ATXN7L1: variants seen among roughly 807,000 people sequenced by gnomAD.
ATXN7L1 encodes the protein ataxin-7-like protein 1.
In ATXN7L1, 15 loss-of-function variants were observed where a neutral mutation model predicts 70.8. The ratio of observed to expected loss-of-function variants is 0.21; its 90% confidence interval spans 0.14 to 0.33. The LOEUF (loss-of-function observed/expected upper bound fraction) is 0.33, where lower values mean the gene tolerates loss of function less well. Among genes scored for constraint, ATXN7L1 ranks in the 10% least tolerant of loss-of-function variants. The pLI is 1.00. For missense variants in ATXN7L1, 975 were observed against 1,097.1 expected, an observed-to-expected ratio of 0.89 and a Z score of 1.57; for synonymous variants, 440 against 445.1, an observed-to-expected ratio of 0.99 and a Z score of 0.14.
At chr7:105,664,561 T>TTGTGTGTGTGTG (rs1802260980) in intron 4 of ATXN7L1, among the ~76,000 whole-genome samples, 35 of 119,452 alleles carry the variant, frequency 2.9e-4, no homozygotes, top group African/African-American at 1.0e-3. Context: ...CATATATATA[T>TTGTGTGTGTGTG]TATGTATGTG....
In ATXN7L1 at chr7:105,834,331, C is replaced by G. The variant is rs147644112; in HGVS notation, c.250+41481G>C. On this transcript the variant is annotated intron_variant, in intron 2 of 11. Transcript: ENST00000419735. ...TGCTGGGATTACATACGTGAGCCAC[C>G]ACGCCTGGCCTCATCATTGACTTTG... Among the ~76,000 whole-genome samples the G allele has an allele frequency of 5.0e-3, 758 of 152,322 alleles. 4 individuals are homozygous for G. Among genetic ancestry groups the G allele is most frequent in the Middle Eastern group, 0.024 (7 of 294 alleles).
At chr7:105,788,969 G>C (rs772637556) in intron 2 of ATXN7L1, among the ~76,000 whole-genome samples, 1 of 152,196 alleles carries the variant, frequency 6.6e-6, no homozygotes, top group Non-Finnish European at 1.5e-5. Context: ...GTGTCGAGGG[G>C]CTGCTCTGAG....
chr7:105,807,208 A>T (rs1043124210), intron 2 of ATXN7L1, among the ~76,000 whole-genome samples: 1 of 152,182 alleles, frequency 6.6e-6, no homozygotes, highest in Non-Finnish European at 1.5e-5. Context: ...CTCCACAAAC[A>T]TCAGTTAGTG....
chr7:105,733,506 C>CCATCCATCCATCCATCCATT (rs1563048370), intron 3 of ATXN7L1, among the ~76,000 whole-genome samples: 4 of 103,356 alleles, frequency 3.9e-5, no homozygotes, highest in South Asian at 3.2e-4. Flanking sequence ...ATCCATCCTT[C>CCATCCATCCATCCATCCATT]CATCCATCCA....
chr7:105,664,575 G>GTGTGTATATATATATA lies in ATXN7L1; in HGVS notation c.578+490_578+491insTATATATATATACACA. Among the ~76,000 whole-genome samples, 3 of 131,988 alleles carry GTGTGTATATATATATA rather than the reference G, an allele frequency of 2.3e-5. 1 individual carries two copies. The highest frequency in any genetic ancestry group is 8.5e-5 in the African/African-American group (3 of 35,414). 86.6% of individuals were successfully genotyped at this position (131,988 alleles called of 152,430 possible). A position where few individuals can be genotyped will look rare whatever the true frequency, so the allele number is the denominator to read the frequency against. ...ACATATATATATTATGTATGTGTGT[G>GTGTGTATATATATATA]TATATATATATATTTGAGACAGAGT... On this transcript the variant is annotated intron_variant, in intron 4 of 11. Coordinates refer to ENST00000419735, the MANE Select transcript of ATXN7L1 (RefSeq NM_020725.2).
At chr7:105,730,508 G>T (rs1796409858) in intron 3 of ATXN7L1, among the ~76,000 whole-genome samples, 1 of 152,148 alleles carries the variant, frequency 6.6e-6, no homozygotes. Context: ...CGAGGCAAGT[G>T]GATCACATGG....
intron 3 of ATXN7L1, among the ~76,000 whole-genome samples, chr7:105,704,391 T>C (rs2116246407): frequency 6.6e-6 from 1 of 152,304 alleles, no homozygotes; most frequent in East Asian, 1.9e-4. Context: ...ATTCTGCTAA[T>C]GAGAACTGAT....
At chr7:105,684,573 C>T (rs2116170366) in intron 3 of ATXN7L1, among the ~76,000 whole-genome samples, 1 of 152,346 alleles carries the variant, frequency 6.6e-6, no homozygotes, top group African/African-American at 2.4e-5. Flanking sequence ...AGCTGCAAAT[C>T]CACAGGTATC....
At chr7:105,854,703 A>C (rs988177944) in intron 2 of ATXN7L1, among the ~76,000 whole-genome samples, 2 of 152,172 alleles carry the variant, frequency 1.3e-5, no homozygotes, top group Non-Finnish European at 2.9e-5. Context: ...TAATAGTGAC[A>C]GCTTCATTTT....
intron 3 of ATXN7L1, among the ~76,000 whole-genome samples, chr7:105,687,422 GC>G (rs1261323658): frequency 6.6e-6 from 1 of 152,190 alleles, no homozygotes; most frequent in Non-Finnish European, 1.5e-5. Context: ...TTAGGATGGG[GC>G]CCTAATCCAA....
At chr7:105,766,301 C>T (rs1184661604) in intron 3 of ATXN7L1, among the ~76,000 whole-genome samples, 3 of 152,030 alleles carry the variant, frequency 2.0e-5, no homozygotes, top group Non-Finnish European at 2.9e-5. Flanking sequence ...ACTTACAGTG[C>T]GTGCAACGTG....
rs573467498 is a variant in ATXN7L1, at chr7:105,645,565, G to C, written c.579-2444C>G. ...TAATCCCAGCACTTTGGGAGGCCGA[G>C]GCAGGTGGATCACCAGGTCAGGAGA... On this transcript the variant is annotated intron_variant, in intron 4 of 11. Coordinates refer to ENST00000419735, the MANE Select transcript of ATXN7L1 (RefSeq NM_020725.2). Among the ~76,000 whole-genome samples, 3 of 151,714 alleles carry C rather than the reference G, an allele frequency of 2.0e-5. No homozygotes were observed. In the East Asian group the frequency reaches 5.8e-4, roughly 29 times the overall value.
intron 9 of ATXN7L1, chr7:105,617,850 A>G (rs1225710769): frequency 1.4e-5 from 6 of 440,042 alleles, no homozygotes; most frequent in Non-Finnish European, 2.8e-5. Flanking sequence ...TGCTTGTTAA[A>G]GAAAAAAGAG....
chr7:105,807,663 T>C (rs1807815945), intron 2 of ATXN7L1, among the ~76,000 whole-genome samples: 1 of 152,216 alleles, frequency 6.6e-6, no homozygotes, highest in Non-Finnish European at 1.5e-5. Context: ...TCTCTTGTTC[T>C]CCTTGGAACC....
chr7:105,630,743 TAA>T (rs1584403720), intron 7 of ATXN7L1, among the ~76,000 whole-genome samples: 1 of 151,282 alleles, frequency 6.6e-6, no homozygotes, highest in Non-Finnish European at 1.5e-5. Flanking sequence ...AATAAATAAA[TAA>T]ATAAAAGAGA....
intron 9 of ATXN7L1, among the ~76,000 whole-genome samples, chr7:105,619,495 CATATATATATATATAT>C (rs1176697618): frequency 9.8e-4 from 27 of 27,646 alleles, no homozygotes; most frequent in South Asian, 7.2e-3. Flanking sequence ...CAAACAGAAG[CATATATATATATATAT>C]ATATATATAT....
At chr7:105,686,836 T>C (rs1380070317) in intron 3 of ATXN7L1, among the ~76,000 whole-genome samples, 1 of 152,186 alleles carries the variant, frequency 6.6e-6, no homozygotes, top group Non-Finnish European at 1.5e-5. Context: ...TCTGTATCTA[T>C]ATGTAATTGT....
At chr7:105,804,978 T>C (rs1807344915) in intron 2 of ATXN7L1, among the ~76,000 whole-genome samples, 1 of 152,168 alleles carries the variant, frequency 6.6e-6, no homozygotes, top group Non-Finnish European at 1.5e-5. Flanking sequence ...AGGTCAGTTA[T>C]GAATAAACAC....
chr7:105,851,067 AATGAT>A (rs997454658), intron 2 of ATXN7L1, among the ~76,000 whole-genome samples: 2 of 152,122 alleles, frequency 1.3e-5, no homozygotes, highest in Non-Finnish European at 2.9e-5. Flanking sequence ...TGTATCCCAC[AATGAT>A]TTACAACCCT....
Sources: gnomAD v4.1 joint callset for allele counts (sites outside exome capture counted in the v4.1 genomes callset) on GRCh38, gnomAD v4.1.1 for gene constraint, MANE v1.5 for transcripts, NCBI Gene and HGNC (gene_info 2026-07-23, HGNC 2026-07-21) for gene names.